ZC3H3: variants seen among roughly 807,000 people sequenced by gnomAD.
ZC3H3 encodes the protein zinc finger CCCH-type containing 3.
A neutral mutation model predicts 77.3 loss-of-function variants in ZC3H3; 36 were observed. The ratio of observed to expected loss-of-function variants is 0.47; its 90% CI spans 0.36 to 0.61. The LOEUF (loss-of-function observed/expected upper bound fraction) is 0.61, where lower values mean the gene tolerates loss of function less well. Among genes scored for constraint, ZC3H3 ranks in the 20% least tolerant of loss-of-function variants. The pLI, the probability that ZC3H3 is intolerant of heterozygous loss-of-function variation, is 0.00. For synonymous variants in ZC3H3, 626 were observed against 555.2 expected, an observed-to-expected ratio of 1.13 and a Z score of -1.79; for missense variants, 1,331 against 1,312.2, an observed-to-expected ratio of 1.01 and a Z score of -0.22.
At chr8:143,527,588 C>A (rs925865954) in intron 3 of ZC3H3, among the ~76,000 whole-genome samples, 5 of 152,218 alleles carry the variant, frequency 3.3e-5, no homozygotes, top group African/African-American at 1.2e-4. Context: ...ATTCAAAGAT[C>A]GCTGTGGCTG....
chr8:143,518,748 T>C (rs1330110814), intron 3 of ZC3H3, among the ~76,000 whole-genome samples: 2 of 152,202 alleles, frequency 1.3e-5, no homozygotes, highest in African/African-American at 2.4e-5. Context: ...TCAGGGACAC[T>C]GGCCCGACCG....
Position 143,530,020 on chromosome 8 carries a change from C to T in ZC3H3, c.1561+6237G>A, listed in dbSNP as rs920226956. Among the ~76,000 whole-genome samples the T allele has an allele frequency of 3.3e-5, 5 of 152,216 alleles. No individual in the cohort carries two copies. Among genetic ancestry groups the T allele is most frequent in the Non-Finnish European group, 1.5e-5 (1 of 68,038 alleles). ...TCTGCAAATGCTGACAGCAGTTCCT[C>T]CACACCCAGGGGCGGGCACGGCAGA... On this transcript the variant is annotated intron_variant, in intron 3 of 11. Transcript: ENST00000262577. The surrounding 1 kb of genome is among the most constrained non-coding windows in gnomAD (Gnocchi z 4.3).
chr8:143,541,423 T>C lies in ZC3H3; in HGVS notation c.-2A>G, dbSNP rs1244430480. The C allele has an allele frequency of 1.9e-6, 3 of 1,611,420 alleles. No individual in the cohort carries two copies. Among genetic ancestry groups the C allele is most frequent in the African/African-American group, 1.3e-5 (1 of 74,642 alleles). On this transcript the variant is annotated 5_prime_UTR_variant, in exon 1 of 12. Transcript: ENST00000262577. ...CCGTAATATCTCCTTTTCCTCCATC[T>C]CCCGAGTCCGCGACGGCCGGCCAGG...
intron 3 of ZC3H3, 95 bp downstream of exon 3, chr8:143,536,162 A>T: frequency 7.1e-7 from 1 of 1,406,914 alleles, no homozygotes. Context: ...CTCTACCAGC[A>T]TGAGGCAGGG....
chr8:143,440,228 G>A lies in ZC3H3; in HGVS notation c.2628C>T (p.Ser876=), dbSNP rs774821634. The A allele has an allele frequency of 6.2e-7, 1 of 1,604,730 alleles. No homozygotes were observed. The highest frequency in any genetic ancestry group is 8.5e-7 in the Non-Finnish European group (1 of 1,176,652). Residue 876 remains serine, a synonymous_variant, in exon 11 of 12, where the codon TCC becomes TCT. Transcript: ENST00000262577. ...AAGCGGGAGGGGATGAGGAGGAGGA[G>A]GAGGAGGAGGAAGCCTTCGAGGATG... ...SPSSSKASSS[S]SSSSSPPASL...
intron 3 of ZC3H3, among the ~76,000 whole-genome samples, chr8:143,525,288 G>A (rs527967685): frequency 1.3e-5 from 2 of 152,356 alleles, no homozygotes; most frequent in South Asian, 4.1e-4. Context: ...GGTCAGCACA[G>A]CCTCGGAGAG....
intron 5 of ZC3H3, among the ~76,000 whole-genome samples, chr8:143,472,675 C>T (rs1415409041): frequency 6.6e-6 from 1 of 152,230 alleles, no homozygotes; most frequent in Admixed American, 6.5e-5. Context: ...CCTCCCCACA[C>T]AGGCCCACCC....
chr8:143,540,457 C>A (rs1203943569), intron 1 of ZC3H3, among the ~76,000 whole-genome samples: 1 of 152,166 alleles, frequency 6.6e-6, no homozygotes, highest in Non-Finnish European at 1.5e-5. Flanking sequence ...CTCAAACTCC[C>A]GGGCTCAAGC....
In ZC3H3 at chr8:143,457,132, G is replaced by C. The variant is rs545435332; in HGVS notation, c.2307+8585C>G. 3.9e-5 allele frequency among the ~76,000 whole-genome samples: 6 copies of C among 152,272 alleles called. No individual in the cohort carries two copies. In the South Asian group the frequency reaches 1.2e-3, roughly 32 times the overall value. On this transcript the variant is annotated intron_variant, in intron 9 of 11. Coordinates refer to ENST00000262577, the MANE Select transcript of ZC3H3 (RefSeq NM_015117.3). ...ATTTACAGAGCACCAACAACAGTGGGATATACATTCTTTTTCAAGTACACA... is the reference window on the plus strand; with the variant it reads ...ATTTACAGAGCACCAACAACAGTGGCATATACATTCTTTTTCAAGTACACA...
Position 143,538,014 on chromosome 8 carries a change from G to A in ZC3H3, c.1353C>T (p.Arg451=), listed in dbSNP as rs771692195. Reference sequence around the variant, plus strand: ...GCCGGGATGCCCACCTTGTGCTGCTGCGTCTCCGGATGATCTTGGTGCGGC... The same window carrying A: ...GCCGGGATGCCCACCTTGTGCTGCTACGTCTCCGGATGATCTTGGTGCGGC... ...VKSRTKIIRR[R]SSTSLPGDKK... The change falls in exon 2 of 12, where the codon CGC becomes CGT. Residue 451 remains arginine, a synonymous_variant. Coordinates refer to ENST00000262577, the MANE Select transcript of ZC3H3 (RefSeq NM_015117.3). 8.7e-6 allele frequency: 14 copies of A among 1,603,248 alleles called. No homozygotes were observed. Among genetic ancestry groups the A allele is most frequent in the East Asian group, 4.5e-5 (2 of 44,762 alleles).
intron 3 of ZC3H3, chr8:143,523,345 TG>T (rs1371046892): frequency 2.0e-6 from 2 of 985,248 alleles, no homozygotes; most frequent in South Asian, 4.7e-5. Context: ...CAGAGCCAGA[TG>T]GGGGTCCCAC....
intron 9 of ZC3H3, among the ~76,000 whole-genome samples, chr8:143,455,900 G>C (rs1000476623): frequency 6.7e-6 from 1 of 148,348 alleles, no homozygotes; most frequent in African/African-American, 2.5e-5. Flanking sequence ...TTGAACCCAG[G>C]AGGCGGAGGT....
Position 143,538,289 on chromosome 8 carries a change from T to C in ZC3H3, c.1078A>G (p.Lys360Glu), listed in dbSNP as rs779504030. 1 of 1,612,960 alleles carries C rather than the reference T, an allele frequency of 6.2e-7. No individual in the cohort carries two copies. Among genetic ancestry groups the C allele is most frequent in the South Asian group, 1.1e-5 (1 of 91,092 alleles). ...GAGGACGTGGCTGGCTTCCTGGGCTTGGGCTCTGGGTCAGCTATGAGCTGC... is the reference window on the plus strand; with the variant it reads ...GAGGACGTGGCTGGCTTCCTGGGCTCGGGCTCTGGGTCAGCTATGAGCTGC... ...KPQLIADPEPKPRKPATSSKP... is the reference protein window; with the variant it reads ...KPQLIADPEPEPRKPATSSKP... The change falls in exon 2 of 12, where the codon AAG (lysine) becomes GAG (glutamate). Residue 360 changes from lysine (K) to glutamate (E), a missense_variant. Around this residue, in one of 3 missense-constraint regions of ZC3H3, gnomAD observed 978 missense variants for 915.5 expected, o/e 1.07. Coordinates refer to ENST00000262577, the MANE Select transcript of ZC3H3 (RefSeq NM_015117.3).
chr8:143,526,703 G>A (rs951359440), intron 3 of ZC3H3, among the ~76,000 whole-genome samples: 1 of 152,122 alleles, frequency 6.6e-6, no homozygotes, highest in African/African-American at 2.4e-5. Context: ...GCCCCAGCAG[G>A]GGACTAAACA....
chr8:143,517,829 A>C (rs1468506142), intron 3 of ZC3H3, among the ~76,000 whole-genome samples: 1 of 152,018 alleles, frequency 6.6e-6, no homozygotes, highest in Non-Finnish European at 1.5e-5. Context: ...TCCCTCCCCG[A>C]ATCTCCAGGC....
At position 143,475,604 on chromosome 8, in the gene ZC3H3, C is replaced by T. The variant is rs1297190993; in HGVS notation, c.1716-19G>A. On this transcript the variant is annotated intron_variant, in intron 4 of 11. Coordinates refer to ENST00000262577, the MANE Select transcript of ZC3H3 (RefSeq NM_015117.3). ...CAGGGACCTGCAGAGACAGGAAATG[C>T]CCGTCAAACCTGGCCCCAGGACAGA... 2.6e-6 allele frequency: 4 copies of T among 1,565,776 alleles called. No homozygotes were observed. Among genetic ancestry groups the T allele is most frequent in the African/African-American group, 2.7e-5 (2 of 74,090 alleles).
At chr8:143,536,787 C>T (rs572902891) in intron 2 of ZC3H3, among the ~76,000 whole-genome samples, 35 of 152,256 alleles carry the variant, frequency 2.3e-4, no homozygotes, top group Non-Finnish European at 3.8e-4. Context: ...GGAGCCTCTA[C>T]GTGGGGCAAA....
intron 9 of ZC3H3, among the ~76,000 whole-genome samples, chr8:143,464,241 G>C (rs1194079124): frequency 2.0e-5 from 3 of 152,268 alleles, no homozygotes; most frequent in Non-Finnish European, 4.4e-5. Flanking sequence ...TCCACTAATA[G>C]AAGCAGGACC....
At chr8:143,514,660 G>A (rs148361862) in intron 3 of ZC3H3, among the ~76,000 whole-genome samples, 1 of 152,178 alleles carries the variant, frequency 6.6e-6, no homozygotes, top group African/African-American at 2.4e-5. Flanking sequence ...TCAGGCCCTC[G>A]AGTTTCACGC....
Sources: gnomAD v4.1 joint callset for allele counts (sites outside exome capture counted in the v4.1 genomes callset) on GRCh38, gnomAD v4.1.1 for gene constraint, gnomAD v4.1.1 regional missense constraint, Gnocchi (gnomAD v3.1) non-coding constraint, MANE v1.5 for transcripts, NCBI Gene and HGNC (gene_info 2026-07-23, HGNC 2026-07-21) for gene names.